Variants in ZNF611 observed in about 807,000 individuals in gnomAD.
The protein encoded by ZNF611 is zinc finger protein 611.
Under a neutral mutation model 8.9 loss-of-function variants are expected in ZNF611, and 6 were observed. That is an observed-to-expected ratio of 0.68 (90% CI 0.37 to 1.34). The LOEUF is 1.34. Among genes scored for constraint, ZNF611 ranks in the 40% most tolerant of loss-of-function variants. The pLI is 0.02. For synonymous variants in ZNF611, 262 were observed against 279.7 expected, an observed-to-expected ratio of 0.94 and a Z score of 0.63; for missense variants, 874 against 841.3, an observed-to-expected ratio of 1.04 and a Z score of -0.48.
chr19:52,722,294 A>G (rs1427756563), intron 3 of ZNF611, among the ~76,000 whole-genome samples: 2 of 152,098 alleles, frequency 1.3e-5, no homozygotes, highest in Non-Finnish European at 2.9e-5. Flanking sequence ...AGGGAGGAGG[A>G]TCACTTGAGC....
chr19:52,706,242 C>T lies in ZNF611; in HGVS notation c.813G>A (p.Glu271=). The T allele has an allele frequency of 6.2e-7, 1 of 1,614,152 alleles. No individual in the cohort carries two copies. Among genetic ancestry groups the T allele is most frequent in the Non-Finnish European group, 8.5e-7 (1 of 1,180,004 alleles). ...CDVCGKLFNH[E]QYLACHDRCH... is the part of the protein sequence containing the mutation. ...ATCTATCATGGCATGCAAGGTATTG[C>T]TCGTGATTAAAGAGCTTGCCACATA... Residue 271 remains glutamate (E), a synonymous_variant, in exon 6 of 6, where the codon GAG becomes GAA. Transcript: ENST00000652185.
At chr19:52,720,331 G>T (rs559433209) in intron 3 of ZNF611, among the ~76,000 whole-genome samples, 49 of 152,332 alleles carry the variant, frequency 3.2e-4, no homozygotes, top group African/African-American at 1.2e-3. Context: ...ATTGCACAGC[G>T]GCCAGGCAGA....
At position 52,704,228 on chromosome 19, in the gene ZNF611, G is replaced by A. The variant is rs573007211; in HGVS notation, c.*709C>T. The A allele has an allele frequency of 1.4e-5, 6 of 425,536 alleles. No individual in the cohort carries two copies. Among genetic ancestry groups the A allele is most frequent in the Admixed American group, 9.3e-5 (3 of 32,208 alleles). 26.4% of individuals were successfully genotyped at this position (425,536 alleles called of 1,614,324 possible). A position where few individuals can be genotyped will look rare whatever the true frequency, so the allele number is the denominator to read the frequency against. On this transcript the variant is annotated 3_prime_UTR_variant, in exon 6 of 6. Transcript: ENST00000652185. The stretch of plus-strand genomic sequence containing the variant: ...AAGTCAATGCTGAATTGACTCCAAT[G>A]TCAATTAATGCTTGATGGTTTGCTA...
chr19:52,717,054 A>G (rs1022440909), intron 3 of ZNF611, among the ~76,000 whole-genome samples: 5 of 152,006 alleles, frequency 3.3e-5, no homozygotes, highest in Non-Finnish European at 5.9e-5. Context: ...AGGAAACTCA[A>G]AAGACTGCAA....
Position 52,706,680 on chromosome 19 carries a change from A to C in ZNF611, c.375T>G (p.Leu125=), listed in dbSNP as rs773270474. The change falls in exon 6 of 6, where the codon CTT becomes CTG. Residue 125 remains leucine (L), a synonymous_variant. Coordinates refer to ENST00000652185, the MANE Select transcript of ZNF611 (RefSeq NM_001161499.2). ...TTTTTATTTTTGTCATGGGTGCTTCAAGGCCATTTCTTTCATCTTCTTGAC... is the reference window on the plus strand; with the variant it reads ...TTTTTATTTTTGTCATGGGTGCTTCCAGGCCATTTCTTTCATCTTCTTGAC... The part of the protein sequence containing the change: ...FQCQEDERNG[L]EAPMTKIKKL... 1 of 1,614,064 alleles carries C rather than the reference A, an allele frequency of 6.2e-7. No individual in the cohort carries two copies. Among genetic ancestry groups the C allele is most frequent in the Non-Finnish European group, 8.5e-7 (1 of 1,180,008 alleles).
At chr19:52,710,206 C>A (rs1177418012) in intron 5 of ZNF611, among the ~76,000 whole-genome samples, 1 of 151,076 alleles carries the variant, frequency 6.6e-6, no homozygotes, top group Non-Finnish European at 1.5e-5. Context: ...AGTACAGACA[C>A]ATGCCACCAT....
intron 5 of ZNF611, among the ~76,000 whole-genome samples, chr19:52,711,014 C>T (rs1479858267): frequency 7.3e-6 from 1 of 137,880 alleles, no homozygotes. Flanking sequence ...GCCTGGGCAA[C>T]AAGAGGGAAA....
intron 3 of ZNF611, among the ~76,000 whole-genome samples, chr19:52,718,782 G>A (rs1276127231): frequency 6.6e-6 from 1 of 151,832 alleles, no homozygotes; most frequent in Non-Finnish European, 1.5e-5. Context: ...TGGGCAACAA[G>A]AGCAAAACTC....
At chr19:52,713,556 T>C (rs1164990707) in intron 5 of ZNF611, among the ~76,000 whole-genome samples, 1 of 152,130 alleles carries the variant, frequency 6.6e-6, no homozygotes, top group African/African-American at 2.4e-5. Context: ...GGGATGAACA[T>C]TGTCACAGTG....
rs1197843667 is a variant in ZNF611, at chr19:52,702,936, G to A, written c.*2001C>T. The stretch of plus-strand genomic sequence containing the variant: ...ATAAATAACAAAGACTAGAAAGCAT[G>A]CAGACATTGATATGAACTGGATGCA... On this transcript the variant is annotated 3_prime_UTR_variant, in exon 6 of 6. Transcript: ENST00000652185. 1 of 152,286 alleles carries A rather than the reference G, an allele frequency of 6.6e-6. No individual in the cohort carries two copies. Among genetic ancestry groups the A allele is most frequent in the Non-Finnish European group, 1.5e-5 (1 of 68,034 alleles). The allele number at this position is 152,286 out of a possible 1,614,324, so 9.4% of individuals were successfully genotyped here. A position where few individuals can be genotyped will look rare whatever the true frequency, so the allele number is the denominator to read the frequency against.
At position 52,712,477 on chromosome 19, in the gene ZNF611, A is replaced by C. The variant is rs112700909; in HGVS notation, c.190+1538T>G. On this transcript the variant is annotated intron_variant, in intron 5 of 5. Coordinates refer to ENST00000652185, the MANE Select transcript of ZNF611 (RefSeq NM_001161499.2). ...CTACTAAAAAAAAAAAAAAAAAAAA[A>C]AAAAAAAAAACATTGGCCGGGCATG... Among the ~76,000 whole-genome samples, 719 of 149,434 alleles carry C rather than the reference A, an allele frequency of 4.8e-3. 11 individuals are homozygous for C. Among genetic ancestry groups the C allele is most frequent in the African/African-American group, 0.017 (679 of 40,582 alleles).
At chr19:52,721,218 C>G (rs2062357549) in intron 3 of ZNF611, 1 of 157,474 alleles carries the variant, frequency 6.4e-6, no homozygotes, top group African/African-American at 2.4e-5. Flanking sequence ...GGCAGAGAGG[C>G]TCCTCACATC....
chr19:52,704,050 T>C lies in ZNF611; in HGVS notation c.*887A>G. 5.1e-6 allele frequency: 1 copy of C among 196,784 alleles called. No individual in the cohort carries two copies. The highest frequency in any genetic ancestry group is 5.5e-5 in the Admixed American group (1 of 18,250). 12.2% of individuals were successfully genotyped at this position (196,784 alleles called of 1,614,324 possible). ...GGCTCACATCTGTTGGCCATGCTGG[T>C]TTCAAACTCCTGACCTCAAGTGACC... On this transcript the variant is annotated 3_prime_UTR_variant, in exon 6 of 6. Transcript: ENST00000652185.
rs769974841 is a variant in ZNF611, at chr19:52,709,401, T to A, written c.191-2537A>T. On this transcript the variant is annotated intron_variant, in intron 5 of 5. Transcript: ENST00000652185. ...GATTCTCCTGCCTCAGCCTTCAGAG[T>A]AGCTAGGACTACAGGCATGCACCAC... Among the ~76,000 whole-genome samples the A allele has an allele frequency of 3.3e-5, 5 of 151,858 alleles. No homozygotes were observed. In the East Asian group the frequency reaches 9.6e-4, roughly 29 times the overall value.
intron 1 of ZNF611, among the ~76,000 whole-genome samples, chr19:52,733,486 G>C (rs183700799): frequency 6.6e-6 from 1 of 151,974 alleles, no homozygotes; most frequent in African/African-American, 2.4e-5. Flanking sequence ...TTTTTTGGCG[G>C]GGGGGAGGTC....
chr19:52,716,408 T>C (rs2062317596), intron 3 of ZNF611, among the ~76,000 whole-genome samples: 1 of 152,164 alleles, frequency 6.6e-6, no homozygotes. Flanking sequence ...ATTTGCAAAA[T>C]GCCTCGACTC....
At chr19:52,710,708 G>A (rs1325142425) in intron 5 of ZNF611, among the ~76,000 whole-genome samples, 1 of 152,152 alleles carries the variant, frequency 6.6e-6, no homozygotes, top group African/African-American at 2.4e-5. Context: ...AGTGAGACAG[G>A]AAAGGGGGCA....
At chr19:52,708,996 T>A (rs188213228) in intron 5 of ZNF611, among the ~76,000 whole-genome samples, 1 of 152,192 alleles carries the variant, frequency 6.6e-6, no homozygotes, top group East Asian at 1.9e-4. Flanking sequence ...ATATAAAACA[T>A]AGAATGTGTA....
At chr19:52,726,736 T>C (rs1438945056) in intron 3 of ZNF611, among the ~76,000 whole-genome samples, 2 of 151,790 alleles carry the variant, frequency 1.3e-5, no homozygotes, top group Non-Finnish European at 2.9e-5. Context: ...TTTTTTTTTT[T>C]TTTCTTTTTA....
Sources: gnomAD v4.1 joint callset for allele counts (sites outside exome capture counted in the v4.1 genomes callset) on GRCh38, gnomAD v4.1.1 for gene constraint, MANE v1.5 for transcripts, NCBI Gene and HGNC (gene_info 2026-07-23, HGNC 2026-07-21) for gene names.